The following PAPOLG variants were observed in gnomAD, a reference collection of about 807,000 sequenced individuals.
The protein encoded by PAPOLG is PAP-gamma.
A neutral mutation model predicts 99.0 loss-of-function variants in PAPOLG; 40 were observed. That is an observed-to-expected ratio of 0.40 (90% CI 0.31 to 0.53). PAPOLG has a LOEUF of 0.53. Ranked by LOEUF, PAPOLG falls within the 20% of genes least tolerant of loss-of-function variation. The probability of loss-of-function intolerance (pLI) is 0.41; values close to 1 mark genes in which losing one functional copy is unlikely to be tolerated. For missense variants in PAPOLG, 675 were observed against 884.1 expected (o/e 0.76, Z 3.00); for synonymous variants, 310 against 299.3 (o/e 1.04, Z -0.37).
At chr2:60,781,262 C>T (rs897237940) in intron 10 of PAPOLG, among the ~76,000 whole-genome samples, 4 of 151,940 alleles carry the variant, frequency 2.6e-5, no homozygotes, top group Non-Finnish European at 5.9e-5. Context: ...GAGGCTGAGG[C>T]ACGAGAATCA....
chr2:60,783,062 TC>T, intron 12 of PAPOLG, 93 bp from the exon 13 acceptor site: 1 of 1,148,094 alleles, frequency 8.7e-7, no homozygotes, highest in Non-Finnish European at 1.2e-6. Context: ...GCTCATTTGT[TC>T]AGTGAGAGGG....
At position 60,797,339 on chromosome 2, in the gene PAPOLG, T is replaced by A; in HGVS notation, c.*179T>A. ...ACTTTGACCTGTAGATGCTGTAGCA[T>A]TCTCTCACTGATTGCTACATACACT... On this transcript the variant is annotated 3_prime_UTR_variant, in exon 22 of 22. Coordinates refer to ENST00000238714, the MANE Select transcript of PAPOLG (RefSeq NM_022894.4). 3 of 678,620 alleles carry A rather than the reference T, an allele frequency of 4.4e-6. No homozygotes were observed. The highest frequency in any genetic ancestry group is 7.4e-6 in the Non-Finnish European group (3 of 403,492). The allele number at this position is 678,620 out of a possible 1,614,324, so 42.0% of individuals were successfully genotyped here.
At chr2:60,774,732 GA>G (rs1236799644) in intron 7 of PAPOLG, among the ~76,000 whole-genome samples, 3 of 152,138 alleles carry the variant, frequency 2.0e-5, no homozygotes, top group African/African-American at 7.2e-5. Flanking sequence ...AGTATTTGTG[GA>G]AAAGGTTTAC....
intron 9 of PAPOLG, 105 bp downstream of exon 9, chr2:60,779,880 T>G: frequency 1.0e-6 from 1 of 991,760 alleles, no homozygotes; most frequent in Non-Finnish European, 1.4e-6. Context: ...TTGTTTTACA[T>G]TGCTTTGTAA....
Position 60,758,150 on chromosome 2 carries a change from C to T in PAPOLG, c.17+1655C>T, listed in dbSNP as rs573279265. On this transcript the variant is annotated intron_variant, in intron 1 of 21. Transcript: ENST00000238714. The stretch of plus-strand genomic sequence containing the variant: ...TAATTACTCTGTCCTATTCACTTAC[C>T]GTATATATTTACATATGTATTACAC... 3.3e-5 allele frequency among the ~76,000 whole-genome samples: 5 copies of T among 152,136 alleles called. No individual in the cohort carries two copies. In the East Asian group the frequency reaches 5.8e-4, roughly 18 times the overall value.
chr2:60,765,816 A>G (rs1157669846), intron 3 of PAPOLG, among the ~76,000 whole-genome samples: 1 of 152,194 alleles, frequency 6.6e-6, no homozygotes, highest in African/African-American at 2.4e-5. Context: ...CATGTTAATC[A>G]TCAATAAATT....
chr2:60,758,580 A>C (rs1000719035), intron 1 of PAPOLG, among the ~76,000 whole-genome samples: 2 of 151,940 alleles, frequency 1.3e-5, no homozygotes, highest in African/African-American at 4.8e-5. Context: ...GACGTCCGCC[A>C]CCATGCCCAG....
At chr2:60,757,011 C>T (rs1670366499) in intron 1 of PAPOLG, among the ~76,000 whole-genome samples, 1 of 152,174 alleles carries the variant, frequency 6.6e-6, no homozygotes, top group Non-Finnish European at 1.5e-5. Flanking sequence ...GCTTCCCCAC[C>T]TACCCACAAC....
rs562873629 is a variant in PAPOLG at position 60,789,443 on chromosome 2, C to T, written c.1396+1823C>T. On this transcript the variant is annotated intron_variant, in intron 15 of 21. Transcript: ENST00000238714. Reference sequence around the variant, plus strand: ...AGAGACAGGATTTCGCCATGTTGCCCAGGCTGATCTCGAACTCCTGGGCTC... The same window carrying T: ...AGAGACAGGATTTCGCCATGTTGCCTAGGCTGATCTCGAACTCCTGGGCTC... Among the ~76,000 whole-genome samples, 3 of 152,100 alleles carry T rather than the reference C, an allele frequency of 2.0e-5. No homozygotes were observed. In the South Asian group the frequency reaches 6.2e-4, roughly 32 times the overall value.
rs1670459122 is a variant in PAPOLG, at chr2:60,759,460, A to G, written c.18-674A>G. Among the ~76,000 whole-genome samples, 3 of 152,344 alleles carry G rather than the reference A, an allele frequency of 2.0e-5. No homozygotes were observed. The South Asian group carries it at 6.2e-4, about 32-fold the overall frequency. On this transcript the variant is annotated intron_variant, in intron 1 of 21. Transcript: ENST00000238714. ...GGCTAAGATGTTTGGAGGGTGGCTC[A>G]TGTATCTTCCAAAAGATTGCCAGTA...
At chr2:60,758,659 C>G (rs903703748) in intron 1 of PAPOLG, among the ~76,000 whole-genome samples, 1 of 152,082 alleles carries the variant, frequency 6.6e-6, no homozygotes, top group Non-Finnish European at 1.5e-5. Context: ...GAACTTCTGA[C>G]CTCAAGTAAT....
chr2:60,775,762 CTTT>C (rs56074091), intron 8 of PAPOLG, among the ~76,000 whole-genome samples: 1 of 145,924 alleles, frequency 6.9e-6, no homozygotes, highest in African/African-American at 2.5e-5. Flanking sequence ...ATACTGTAGT[CTTT>C]TTTTTTTTTC....
chr2:60,766,314 G>GGGAAGGCT (rs1670673554), intron 3 of PAPOLG, among the ~76,000 whole-genome samples: 1 of 152,172 alleles, frequency 6.6e-6, no homozygotes, highest in African/African-American at 2.4e-5. Context: ...AGGATAACCA[G>GGGAAGGCT]GGAAGGCTTC....
intron 21 of PAPOLG, chr2:60,795,290 A>C: frequency 3.5e-6 from 2 of 573,984 alleles, no homozygotes; most frequent in Non-Finnish European, 6.6e-6. Context: ...ATCTTTAAAG[A>C]AGCAGTTGGA....
In PAPOLG at chr2:60,794,993, T is replaced by C. The variant is rs1238767870; in HGVS notation, c.2085T>C (p.Ile695=). ...CCATTGGAGGAGAATCTATGCCTATTCCAACTATTGATACATCACGCAAAA... is the reference window on the plus strand; with the variant it reads ...CCATTGGAGGAGAATCTATGCCTATCCCAACTATTGATACATCACGCAAAA... The part of the protein sequence containing the change: ...VDAIGGESMP[I]PTIDTSRKKR... The change falls in exon 21 of 22, where the codon ATT becomes ATC. Residue 695 remains isoleucine (I), a synonymous_variant. Transcript: ENST00000238714. 1.2e-6 allele frequency: 2 copies of C among 1,613,482 alleles called. No individual in the cohort carries two copies. Among genetic ancestry groups the C allele is most frequent in the Admixed American group, 1.7e-5 (1 of 59,940 alleles).
chr2:60,774,673 G>A (rs760417614), intron 7 of PAPOLG, among the ~76,000 whole-genome samples: 76 of 152,148 alleles, frequency 5.0e-4, no homozygotes, highest in Non-Finnish European at 7.1e-4. Context: ...TTGTTTGACC[G>A]AATCATTATT....
chr2:60,759,438 T>TA (rs1670457885), intron 1 of PAPOLG, among the ~76,000 whole-genome samples: 1 of 152,206 alleles, frequency 6.6e-6, no homozygotes, highest in Non-Finnish European at 1.5e-5. Flanking sequence ...TCTTGATGGC[T>TA]AAGATGTTTG....
In PAPOLG at chr2:60,756,349, A is replaced by C; in HGVS notation, c.-130A>C. On this transcript the variant is annotated 5_prime_UTR_variant, in exon 1 of 22. It removes the in-frame stop codon of an upstream open reading frame in the 5' UTR. Coordinates refer to ENST00000238714, the MANE Select transcript of PAPOLG (RefSeq NM_022894.4). The stretch of plus-strand genomic sequence containing the variant: ...CTACTCGGTTGGATGCCTCAGCCAT[A>C]GTAAGTGGGAAAGTGAGCGAGCAAG... The C allele has an allele frequency of 8.7e-7, 1 of 1,155,530 alleles. No individual in the cohort carries two copies. The highest frequency in any genetic ancestry group is 1.3e-6 in the Non-Finnish European group (1 of 770,130). 71.6% of individuals were successfully genotyped at this position (1,155,530 alleles called of 1,614,324 possible).
rs910256366 is a variant in PAPOLG at position 60,800,734 on chromosome 2, A to AT, written c.*3579dup. The AT allele has an allele frequency of 2.0e-5, 3 of 152,178 alleles. No homozygotes were observed. The highest frequency in any genetic ancestry group is 7.2e-5 in the African/African-American group (3 of 41,410). The allele number at this position is 152,178 out of a possible 1,614,324, so 9.4% of individuals were successfully genotyped here. On this transcript the variant is annotated 3_prime_UTR_variant, in exon 22 of 22. Transcript: ENST00000238714. ...GTATAAGAAGTTCTAGTTTACATGCATTTTTCTTGGGGAAAGTGCATAGTT... is the reference window on the plus strand; with the variant it reads ...GTATAAGAAGTTCTAGTTTACATGCATTTTTTCTTGGGGAAAGTGCATAGTT...
Sources: gnomAD v4.1 joint callset for allele counts (sites outside exome capture counted in the v4.1 genomes callset) on GRCh38, gnomAD v4.1.1 for gene constraint, MANE v1.5 for transcripts, NCBI Gene and HGNC (gene_info 2026-07-23, HGNC 2026-07-21) for gene names.